The following IGF1R variants were observed in gnomAD, a reference collection of about 807,000 sequenced individuals.
IGF1R encodes the protein insulin-like growth factor 1 receptor.
Under a neutral mutation model 144.6 loss-of-function variants are expected in IGF1R, and 44 were observed. The observed-to-expected ratio is 0.30, with a 90% CI of 0.24 to 0.39. IGF1R has a LOEUF of 0.39. IGF1R is among the 10% of genes least tolerant of loss of function. The pLI, the probability that IGF1R is intolerant of heterozygous loss-of-function variation, is 1.00. For synonymous variants in IGF1R, 795 were observed against 722.8 expected (o/e 1.10, Z -1.60); for missense variants, 1,355 against 1,833.7 (o/e 0.74, Z 4.77).
At chr15:98,795,790 G>A (rs534543937) in intron 2 of IGF1R, among the ~76,000 whole-genome samples, 4 of 152,194 alleles carry the variant, frequency 2.6e-5, no homozygotes, top group East Asian at 1.9e-4. Flanking sequence ...GAGAACTGTC[G>A]CACCACATGC....
chr15:98,693,093 G>A lies in IGF1R; in HGVS notation c.95-14469G>A, dbSNP rs2053515995. 2.0e-5 allele frequency among the ~76,000 whole-genome samples: 3 copies of A among 152,154 alleles called. No homozygotes were observed. In the South Asian group the frequency reaches 6.2e-4, roughly 32 times the overall value. On this transcript the variant is annotated intron_variant, in intron 1 of 20. Transcript: ENST00000650285. ...TGGTTCCCTAACCCAGGGCTGTGTG[G>A]GGAGAGCTTGCAGCACCCCCCTGAC... is the stretch of plus-strand genomic sequence containing the variant.
intron 1 of IGF1R, among the ~76,000 whole-genome samples, chr15:98,705,829 C>G (rs886586139): frequency 2.0e-5 from 3 of 152,184 alleles, no homozygotes; most frequent in African/African-American, 7.2e-5. Flanking sequence ...GGCTTTATTC[C>G]TCTGAGATGA....
At chr15:98,665,141 T>C (rs537342164) in intron 1 of IGF1R, among the ~76,000 whole-genome samples, 41 of 152,184 alleles carry the variant, frequency 2.7e-4, no homozygotes, top group Middle Eastern at 6.8e-3. Flanking sequence ...TTAGTAGAGA[T>C]GGGGTTTCAC....
intron 2 of IGF1R, among the ~76,000 whole-genome samples, chr15:98,760,798 A>G (rs1050291617): frequency 1.3e-5 from 2 of 152,332 alleles, no homozygotes; most frequent in Middle Eastern, 3.4e-3. Flanking sequence ...TTTGGAGAGT[A>G]TTATGTAAGA....
intron 2 of IGF1R, among the ~76,000 whole-genome samples, chr15:98,710,451 C>T (rs746314451): frequency 1.3e-5 from 2 of 151,968 alleles, no homozygotes; most frequent in East Asian, 1.9e-4. Context: ...GAGTAAGCCA[C>T]GTGGCTTATT....
intron 1 of IGF1R, among the ~76,000 whole-genome samples, chr15:98,702,508 G>A (rs2053760644): frequency 6.6e-6 from 1 of 152,032 alleles, no homozygotes; most frequent in Non-Finnish European, 1.5e-5. Context: ...GCACCACCAC[G>A]CCTGGCTAAT....
At chr15:98,824,506 G>A (rs913920776) in intron 2 of IGF1R, among the ~76,000 whole-genome samples, 1 of 152,174 alleles carries the variant, frequency 6.6e-6, no homozygotes, top group African/African-American at 2.4e-5. Flanking sequence ...GTGGCTCCCT[G>A]TTCTCTGTGA....
chr15:98,707,466 A>G lies in IGF1R; in HGVS notation c.95-96A>G. 8.2e-7 allele frequency: 1 copy of G among 1,218,808 alleles called. No individual in the cohort carries two copies. The highest frequency in any genetic ancestry group is 1.2e-6 in the Non-Finnish European group (1 of 845,526). 75.5% of individuals were successfully genotyped at this position (1,218,808 alleles called of 1,614,324 possible). A position where few individuals can be genotyped will look rare whatever the true frequency, so the allele number is the denominator to read the frequency against. ...TGAACCTCATTTCTTTAATAATAAT[A>G]CAGGATTCCTGAAAACCAACTGTAT... On this transcript the variant is annotated intron_variant, in intron 1 of 20. Coordinates refer to ENST00000650285, the MANE Select transcript of IGF1R (RefSeq NM_000875.5). The surrounding 1 kb of genome is among the most constrained non-coding windows in gnomAD (Gnocchi z 6.7).
At chr15:98,725,584 G>GT (rs1724428100) in intron 2 of IGF1R, among the ~76,000 whole-genome samples, 1 of 152,190 alleles carries the variant, frequency 6.6e-6, no homozygotes, top group African/African-American at 2.4e-5. Flanking sequence ...GGACCCTGGA[G>GT]TGAATAGGGA....
At chr15:98,808,964 G>A (rs1192503595) in intron 2 of IGF1R, among the ~76,000 whole-genome samples, 1 of 152,198 alleles carries the variant, frequency 6.6e-6, no homozygotes, top group East Asian at 1.9e-4. Context: ...TGGGATTACA[G>A]GCATGAGCCA....
rs147400803 is a variant in IGF1R, at chr15:98,871,207, C to T, written c.641-20118C>T. On this transcript the variant is annotated intron_variant, in intron 2 of 20. Coordinates refer to ENST00000650285, the MANE Select transcript of IGF1R (RefSeq NM_000875.5). ...TCTCAAGCAAGCATCCAAGTTGTTCCGGTGAACCCGTAACTTTGAGTAACC... is the reference window on the plus strand; with the variant it reads ...TCTCAAGCAAGCATCCAAGTTGTTCTGGTGAACCCGTAACTTTGAGTAACC... 2.7e-3 allele frequency among the ~76,000 whole-genome samples: 413 copies of T among 152,354 alleles called. 2 individuals carry two copies. The highest frequency in any genetic ancestry group is 9.4e-3 in the African/African-American group (391 of 41,574).
chr15:98,941,314 C>T (rs2016357209), intron 18 of IGF1R, among the ~76,000 whole-genome samples: 1 of 152,216 alleles, frequency 6.6e-6, no homozygotes, highest in African/African-American at 2.4e-5. Context: ...CCTCCGGGCA[C>T]ATGGGGGGAA....
intron 2 of IGF1R, among the ~76,000 whole-genome samples, chr15:98,855,748 C>T (rs1047632651): frequency 7.9e-5 from 12 of 152,082 alleles, no homozygotes; most frequent in Non-Finnish European, 1.5e-4. Flanking sequence ...GGGAATTGGG[C>T]CAAATAGGAA....
chr15:98,725,340 C>A (rs1402464373), intron 2 of IGF1R, among the ~76,000 whole-genome samples: 1 of 152,132 alleles, frequency 6.6e-6, no homozygotes, highest in East Asian at 1.9e-4. Context: ...ACAAAAAAAC[C>A]ATGTCTAAAT....
intron 5 of IGF1R, among the ~76,000 whole-genome samples, chr15:98,901,849 C>CAATTCA (rs1223982667): frequency 6.6e-6 from 1 of 152,120 alleles, no homozygotes. Flanking sequence ...GGTAGGGTGG[C>CAATTCA]AGGAGCAAAG....
intron 1 of IGF1R, among the ~76,000 whole-genome samples, chr15:98,693,609 TTTTG>T (rs1395176682): frequency 6.6e-6 from 1 of 152,102 alleles, no homozygotes; most frequent in African/African-American, 2.4e-5. Flanking sequence ...TGACCTCCTG[TTTTG>T]TTTGTTTTTT....
At position 98,804,116 on chromosome 15, in the gene IGF1R, A is replaced by G. The variant is rs145160815; in HGVS notation, c.641-87209A>G. Among the ~76,000 whole-genome samples, 682 of 152,350 alleles carry G rather than the reference A, an allele frequency of 4.5e-3. 5 individuals are homozygous for G. Among genetic ancestry groups the G allele is most frequent in the African/African-American group, 0.016 (658 of 41,584 alleles). ...TGCACTTCATCTTTGAAACGCTGTTAGCTGCCTCATGACTGTATTTCTATT... is the reference window on the plus strand; with the variant it reads ...TGCACTTCATCTTTGAAACGCTGTTGGCTGCCTCATGACTGTATTTCTATT... On this transcript the variant is annotated intron_variant, in intron 2 of 20. Transcript: ENST00000650285.
intron 1 of IGF1R, among the ~76,000 whole-genome samples, chr15:98,693,628 C>T (rs1193471194): frequency 1.3e-5 from 2 of 152,116 alleles, no homozygotes; most frequent in Non-Finnish European, 2.9e-5. Flanking sequence ...TTTTTTGAGA[C>T]GGAGTTTTGC....
chr15:98,754,715 G>T (rs553943347), intron 2 of IGF1R, among the ~76,000 whole-genome samples: 1 of 152,286 alleles, frequency 6.6e-6, no homozygotes, highest in South Asian at 2.1e-4. Context: ...ATAAAAGAAC[G>T]CTAGTAATGA....
Sources: allele counts gnomAD v4.1 joint callset (sites outside exome capture counted in the v4.1 genomes callset), GRCh38; gene constraint gnomAD v4.1.1; non-coding constraint Gnocchi (gnomAD v3.1); transcripts MANE v1.5; gene names NCBI Gene and HGNC (gene_info 2026-07-23, HGNC 2026-07-21).